The following TUBGCP3 variants were observed in gnomAD, a reference collection of about 807,000 sequenced individuals.
TUBGCP3 encodes gamma-tubulin complex component 3.
In TUBGCP3, 50 loss-of-function variants were observed where a neutral mutation model predicts 123.1. That is an observed-to-expected ratio of 0.41 (90% CI 0.32 to 0.51). TUBGCP3 has a LOEUF of 0.51. TUBGCP3 is among the 20% of genes least tolerant of loss of function. The pLI, the probability that TUBGCP3 is intolerant of heterozygous loss-of-function variation, is 0.36. For synonymous variants in TUBGCP3, 405 were observed against 413.9 expected, an observed-to-expected ratio of 0.98 and a Z score of 0.26; for missense variants, 882 against 1,127.0, an observed-to-expected ratio of 0.78 and a Z score of 3.11.
intron 20 of TUBGCP3, 123 bp downstream of exon 20, chr13:112,498,922 T>C (rs1880702655): frequency 6.2e-7 from 1 of 1,614,044 alleles, no homozygotes; most frequent in Non-Finnish European, 8.5e-7. Flanking sequence ...AAACGCAGTA[T>C]AGGCACATCT....
At chr13:112,486,338 C>G (rs1879669694) in intron 21 of TUBGCP3, among the ~76,000 whole-genome samples, 187 bp from the exon 22 acceptor site, 4 of 152,186 alleles carry the variant, frequency 2.6e-5, no homozygotes, top group Admixed American at 2.0e-4. Flanking sequence ...TGCACACGGC[C>G]AGTGCACCTG....
intron 1 of TUBGCP3, among the ~76,000 whole-genome samples, chr13:112,577,130 T>C (rs950214191): frequency 6.6e-6 from 1 of 152,214 alleles, no homozygotes; most frequent in Admixed American, 6.5e-5. Flanking sequence ...AAGTAATTTA[T>C]GTAGACACTT....
chr13:112,598,808 G>A, the TUBGCP3 span, among the ~76,000 whole-genome samples: 22 of 151,946 alleles, frequency 1.4e-4, no homozygotes, highest in Admixed American at 6.6e-5. Context: ...GCCGGGCATC[G>A]TGGCGCACGC....
chr13:112,547,504 GCGCGTGGGAAAGA>G, intron 10 of TUBGCP3, 103 bp downstream of exon 10: 1 of 1,331,598 alleles, frequency 7.5e-7, no homozygotes, highest in Non-Finnish European at 9.7e-7. Flanking sequence ...AGTGCCAGAC[GCGCGTGGGAAAGA>G]CGCGCGTGGG....
At chr13:112,549,323 G>A (rs868693656) in intron 8 of TUBGCP3, among the ~76,000 whole-genome samples, 13 of 151,754 alleles carry the variant, frequency 8.6e-5, no homozygotes, top group African/African-American at 2.9e-4. Context: ...CTTGGATACC[G>A]GGGCCTGTTG....
At chr13:112,580,756 A>C (rs1882224330) in intron 1 of TUBGCP3, among the ~76,000 whole-genome samples, 1 of 152,254 alleles carries the variant, frequency 6.6e-6, no homozygotes, top group African/African-American at 2.4e-5. Flanking sequence ...CAGAATATCT[A>C]TATCTGACTG....
At chr13:112,549,701 G>GA (rs1879391294) in intron 8 of TUBGCP3, among the ~76,000 whole-genome samples, 1 of 151,948 alleles carries the variant, frequency 6.6e-6, no homozygotes, top group Non-Finnish European at 1.5e-5. Context: ...CTTAAAAACT[G>GA]ATAGGAGGCC....
chr13:112,599,750 A>G, the TUBGCP3 span, among the ~76,000 whole-genome samples: 4 of 151,674 alleles, frequency 2.6e-5, no homozygotes, highest in Non-Finnish European at 5.9e-5. Flanking sequence ...CAAACTCCTG[A>G]CCTCGTGATC....
chr13:112,526,483 C>A (rs1175711020), intron 13 of TUBGCP3, among the ~76,000 whole-genome samples: 10 of 146,792 alleles, frequency 6.8e-5, no homozygotes, highest in African/African-American at 2.5e-4. Flanking sequence ...TATCATCACA[C>A]CATCACCATC....
chr13:112,569,127 C>T (rs1566585967), intron 2 of TUBGCP3, 25 bp downstream of exon 2: 2 of 1,609,634 alleles, frequency 1.2e-6, no homozygotes, highest in Admixed American at 1.7e-5. Context: ...GAATCCAACA[C>T]ATGACATTTA....
chr13:112,501,166 C>A lies in TUBGCP3; in HGVS notation c.2308-1981G>T, dbSNP rs147915784. On this transcript the variant is annotated intron_variant, in intron 19 of 21. Coordinates refer to ENST00000261965, the MANE Select transcript of TUBGCP3 (RefSeq NM_006322.6). The stretch of plus-strand genomic sequence containing the variant: ...ACATAAAACCACCACGTGATTAATG[C>A]GGCAAACACATCTTCCATCTTACAA... 2.8e-3 allele frequency among the ~76,000 whole-genome samples: 433 copies of A among 152,302 alleles called. 5 individuals are homozygous for A. The highest frequency in any genetic ancestry group is 9.8e-3 in the African/African-American group (406 of 41,562).
intron 3 of TUBGCP3, among the ~76,000 whole-genome samples, chr13:112,562,365 C>T (rs1396193589): frequency 1.3e-5 from 2 of 152,322 alleles, no homozygotes; most frequent in East Asian, 3.9e-4. Flanking sequence ...ACCCTGAGAC[C>T]AGAGAGATCA....
chr13:112,596,179 G>T, the TUBGCP3 span, among the ~76,000 whole-genome samples: 1 of 152,318 alleles, frequency 6.6e-6, no homozygotes, highest in Non-Finnish European at 1.5e-5. Flanking sequence ...CTCAAGAGTA[G>T]AAGAGAGCCT....
At chr13:112,547,565 CGCGTGG>C (rs1879142710) in intron 10 of TUBGCP3, 49 bp downstream of exon 10, 1 of 1,343,880 alleles carries the variant, frequency 7.4e-7, no homozygotes, top group East Asian at 2.6e-5. Flanking sequence ...GGGAAAGTCG[CGCGTGG>C]GAAAGTCGCG....
rs1267923273 is a variant in TUBGCP3, at chr13:112,485,390, A to T, written c.*603T>A. 6.6e-6 allele frequency: 1 copy of T among 152,636 alleles called. No individual in the cohort carries two copies. The highest frequency in any genetic ancestry group is 1.5e-5 in the Non-Finnish European group (1 of 68,044). The allele number at this position is 152,636 out of a possible 1,614,324, so 9.5% of individuals were successfully genotyped here. On this transcript the variant is annotated 3_prime_UTR_variant, in exon 22 of 22. Transcript: ENST00000261965. ...AAATCTGAAATAGTAAATTAAATAT[A>T]AAAATGTAAACTCTGAAAGGAGAGA... is the stretch of plus-strand genomic sequence containing the variant.
At chr13:112,600,785 A>G in the TUBGCP3 span, among the ~76,000 whole-genome samples, 2 of 152,112 alleles carry the variant, frequency 1.3e-5, no homozygotes, top group Non-Finnish European at 2.9e-5. Context: ...ATTTTCGCCT[A>G]TATTCTCCTG....
intron 1 of TUBGCP3, among the ~76,000 whole-genome samples, chr13:112,578,130 C>T (rs1213891474): frequency 6.6e-6 from 1 of 152,062 alleles, no homozygotes; most frequent in Non-Finnish European, 1.5e-5. Flanking sequence ...TACCCTGACG[C>T]ACCATAATCT....
chr13:112,535,363 C>G (rs1877958633), intron 11 of TUBGCP3, among the ~76,000 whole-genome samples: 1 of 152,142 alleles, frequency 6.6e-6, no homozygotes, highest in Non-Finnish European at 1.5e-5. Context: ...TAGAAACTGT[C>G]AAACTGCTTT....
chr13:112,555,596 G>A (rs1879954122), intron 6 of TUBGCP3, among the ~76,000 whole-genome samples: 1 of 152,168 alleles, frequency 6.6e-6, no homozygotes, highest in South Asian at 2.1e-4. Context: ...ATTCCTCAAT[G>A]ACTCTCTTCG....
Sources: allele counts gnomAD v4.1 joint callset (sites outside exome capture counted in the v4.1 genomes callset), GRCh38; gene constraint gnomAD v4.1.1; transcripts MANE v1.5; gene names NCBI Gene and HGNC (gene_info 2026-07-23, HGNC 2026-07-21).